Variants in MERTK observed in about 807,000 individuals in gnomAD.
MERTK encodes tyrosine-protein kinase Mer.
MERTK carries 69 observed loss-of-function variants against 99.3 expected under a neutral mutation model. That is an observed-to-expected ratio of 0.70 (90% CI 0.57 to 0.85). The LOEUF (loss-of-function observed/expected upper bound fraction) is 0.85, where lower values mean the gene tolerates loss of function less well. MERTK is among the 40% of genes least tolerant of loss of function. The pLI is 0.00. For missense variants in MERTK, 1,125 were observed against 1,249.4 expected (o/e 0.90, Z 1.50); for synonymous variants, 426 against 467.6 (o/e 0.91, Z 1.15).
At chr2:111,914,196 C>G (rs1387088404) in intron 1 of MERTK, among the ~76,000 whole-genome samples, 1 of 150,840 alleles carries the variant, frequency 6.6e-6, no homozygotes, top group African/African-American at 2.4e-5. Flanking sequence ...CCTCTGCCTC[C>G]CAGGTTCAAG....
intron 1 of MERTK, among the ~76,000 whole-genome samples, chr2:111,914,625 T>C (rs1412907645): frequency 1.3e-5 from 2 of 152,206 alleles, no homozygotes; most frequent in African/African-American, 4.8e-5. Context: ...TGAGCGAATA[T>C]TGAATTTTGT....
At position 111,920,698 on chromosome 2, in the gene MERTK, C is replaced by T. The variant is rs139274667; in HGVS notation, c.62-8422C>T. ...AAACAGAGTCTCACTGTGTTGCCTA[C>T]GCTGGAGTGCAGTGGCGTGATCTCA... On this transcript the variant is annotated intron_variant, in intron 1 of 18. Coordinates refer to ENST00000295408, the MANE Select transcript of MERTK (RefSeq NM_006343.3). 6.7e-3 allele frequency among the ~76,000 whole-genome samples: 1,015 copies of T among 151,912 alleles called. 9 individuals are homozygous for T. The highest frequency in any genetic ancestry group is 0.019 in the African/African-American group (806 of 41,426).
In MERTK at chr2:111,997,277, T is replaced by A. The variant is rs544781830; in HGVS notation, c.1451-46T>A. Reference sequence around the variant, plus strand: ...TTCTTCCCTGTTACAAGCCAGTGTTTCTCATATATTTCAAACCCATGACTG... The same window carrying A: ...TTCTTCCCTGTTACAAGCCAGTGTTACTCATATATTTCAAACCCATGACTG... On this transcript the variant is annotated intron_variant, in intron 9 of 18. Transcript: ENST00000295408. 1.9e-6 allele frequency: 3 copies of A among 1,593,830 alleles called. No homozygotes were observed. The African/African-American group carries it at 4.0e-5, about 21-fold the overall frequency.
intron 2 of MERTK, among the ~76,000 whole-genome samples, chr2:111,938,041 G>A (rs1684794536): frequency 6.6e-6 from 1 of 151,902 alleles, no homozygotes; most frequent in Non-Finnish European, 1.5e-5. Context: ...CTCCAGTAGA[G>A]TAACCACTAC....
intron 4 of MERTK, among the ~76,000 whole-genome samples, chr2:111,960,695 C>CA (rs1558787048): frequency 6.6e-6 from 1 of 151,658 alleles, no homozygotes; most frequent in African/African-American, 2.4e-5. Context: ...ATGGTTTAAG[C>CA]AAAAACTTTC....
chr2:112,017,442 C>T (rs1677240649), intron 15 of MERTK, among the ~76,000 whole-genome samples: 1 of 152,050 alleles, frequency 6.6e-6, no homozygotes, highest in African/African-American at 2.4e-5. Flanking sequence ...CTGGCCTGGC[C>T]AACATGGAGA....
intron 7 of MERTK, among the ~76,000 whole-genome samples, chr2:111,980,654 G>A (rs1347723837): frequency 6.6e-6 from 1 of 152,006 alleles, no homozygotes; most frequent in Non-Finnish European, 1.5e-5. Context: ...TCCTGACCTC[G>A]TGACCCACCC....
At chr2:111,979,785 A>T (rs1005976170) in intron 7 of MERTK, among the ~76,000 whole-genome samples, 1 of 152,032 alleles carries the variant, frequency 6.6e-6, no homozygotes, top group African/African-American at 2.4e-5. Context: ...GTTCTCAATC[A>T]TAAGAGTCTT....
At chr2:111,978,501 G>A (rs919705201) in intron 7 of MERTK, among the ~76,000 whole-genome samples, 2 of 151,980 alleles carry the variant, frequency 1.3e-5, no homozygotes, top group African/African-American at 4.8e-5. Context: ...TCACTATTTT[G>A]CCCAGGCTGC....
chr2:111,961,327 A>AT (rs1191049443), intron 4 of MERTK, among the ~76,000 whole-genome samples: 1 of 151,194 alleles, frequency 6.6e-6, no homozygotes, highest in African/African-American at 2.4e-5. Flanking sequence ...CGCCCGGCTA[A>AT]TTTTTTTGTA....
intron 6 of MERTK, among the ~76,000 whole-genome samples, chr2:111,970,526 T>C (rs1264599062): frequency 6.6e-6 from 1 of 152,228 alleles, no homozygotes; most frequent in Non-Finnish European, 1.5e-5. Flanking sequence ...GTTTAGTATA[T>C]TCAAGAATTG....
chr2:111,947,788 A>G (rs1684987747), intron 4 of MERTK, among the ~76,000 whole-genome samples: 1 of 152,094 alleles, frequency 6.6e-6, no homozygotes, highest in African/African-American at 2.4e-5. Context: ...CTCTGGGGGT[A>G]CATAGGGTTA....
intron 6 of MERTK, among the ~76,000 whole-genome samples, chr2:111,974,258 C>T (rs951825097): frequency 2.8e-4 from 42 of 148,964 alleles, no homozygotes; most frequent in African/African-American, 9.1e-4. Flanking sequence ...AAAAAGTTAG[C>T]CAGGCGTGGT....
At chr2:111,931,768 G>C (rs1430119966) in intron 2 of MERTK, among the ~76,000 whole-genome samples, 2 of 152,138 alleles carry the variant, frequency 1.3e-5, no homozygotes, top group Non-Finnish European at 2.9e-5. Flanking sequence ...GTCTCATTGG[G>C]TGTCACCTAG....
intron 4 of MERTK, among the ~76,000 whole-genome samples, chr2:111,962,961 G>T (rs1685279203): frequency 1.3e-5 from 2 of 152,108 alleles, no homozygotes; most frequent in African/African-American, 2.4e-5. Flanking sequence ...TGGCCCAGGG[G>T]ACCAGTGTTC....
chr2:111,963,850 G>A (rs1685303704), intron 4 of MERTK, among the ~76,000 whole-genome samples: 1 of 151,976 alleles, frequency 6.6e-6, no homozygotes, highest in Non-Finnish European at 1.5e-5. Flanking sequence ...TTTGTAGAAT[G>A]TCCCACAATT....
intron 7 of MERTK, among the ~76,000 whole-genome samples, chr2:111,982,304 C>T (rs750444730): frequency 7.9e-5 from 12 of 152,090 alleles, no homozygotes; most frequent in Non-Finnish European, 7.4e-5. Context: ...CAATCCTCTC[C>T]CTCTGGCCTC....
chr2:111,968,691 G>A (rs766172143), intron 6 of MERTK, among the ~76,000 whole-genome samples: 11 of 151,876 alleles, frequency 7.2e-5, no homozygotes, highest in South Asian at 2.1e-4. Flanking sequence ...CACCATGCCC[G>A]GCTAAGTTTG....
rs376228438 is a variant in MERTK at position 111,947,471 on chromosome 2, G to A, written c.661G>A (p.Val221Met). 6.2e-7 allele frequency: 1 copy of A among 1,614,068 alleles called. No homozygotes were observed. The highest frequency in any genetic ancestry group is 1.7e-5 in the Admixed American group (1 of 59,996). ...AGCCTTCAACCTCACCTGTCAGGCT[G>A]TGGGCCCGCCTGAGCCCGTCAACAT... ...NTAFNLTCQA[V>M]GPPEPVNIFW... Residue 221 changes from valine (V) to methionine (M), a missense_variant, in exon 4 of 19, where the codon GTG (valine) becomes ATG (methionine). Transcript: ENST00000295408.
Sources: allele counts gnomAD v4.1 joint callset (sites outside exome capture counted in the v4.1 genomes callset), GRCh38; gene constraint gnomAD v4.1.1; transcripts MANE v1.5; gene names NCBI Gene and HGNC (gene_info 2026-07-23, HGNC 2026-07-21).